Variants in SMG6 observed in about 807,000 individuals in gnomAD.
SMG6 encodes telomerase-binding protein EST1A.
SMG6 carries 66 observed loss-of-function variants against 142.2 expected under a neutral mutation model. The observed-to-expected ratio is 0.46, with a 90% CI of 0.38 to 0.57. The LOEUF is 0.57. Among genes scored for constraint, SMG6 ranks in the 20% least tolerant of loss-of-function variants. The pLI, the probability that SMG6 is intolerant of heterozygous loss-of-function variation, is 0.00. For synonymous variants in SMG6, 779 were observed against 702.4 expected (o/e 1.11, Z -1.72); for missense variants, 1,793 against 1,832.0 (o/e 0.98, Z 0.39).
At chr17:2,119,680 G>T (rs1027479807) in intron 13 of SMG6, among the ~76,000 whole-genome samples, 10 of 150,850 alleles carry the variant, frequency 6.6e-5, no homozygotes, top group Admixed American at 1.3e-4. Flanking sequence ...ATTTTTTTTT[G>T]AGACGGAGTC....
At chr17:2,135,795 T>C (rs1200577503) in intron 13 of SMG6, among the ~76,000 whole-genome samples, 16 of 151,682 alleles carry the variant, frequency 1.1e-4, no homozygotes, top group Admixed American at 1.1e-3. Context: ...GCTCAAGCAA[T>C]CTTCCCACCT....
At chr17:2,236,867 C>T (rs2073675580) in intron 9 of SMG6, 3 of 1,219,474 alleles carry the variant, frequency 2.5e-6, no homozygotes, top group Non-Finnish European at 3.1e-6. Flanking sequence ...ATGCAAACAA[C>T]TCAAGTTTTG....
chr17:2,157,900 C>T (rs2071056925), intron 13 of SMG6, among the ~76,000 whole-genome samples: 1 of 152,130 alleles, frequency 6.6e-6, no homozygotes, highest in Non-Finnish European at 1.5e-5. Flanking sequence ...AATTAGAAAT[C>T]CCTAAACCAT....
At chr17:2,162,008 G>A (rs1046579618) in intron 13 of SMG6, among the ~76,000 whole-genome samples, 1 of 152,148 alleles carries the variant, frequency 6.6e-6, no homozygotes, top group African/African-American at 2.4e-5. Flanking sequence ...AAGGCTCCCT[G>A]AGATGGCATC....
intron 10 of SMG6, among the ~76,000 whole-genome samples, chr17:2,215,202 G>A (rs1213782354): frequency 1.5e-5 from 2 of 134,354 alleles, no homozygotes; most frequent in African/African-American, 2.9e-5. Context: ...GCACTTGTGC[G>A]TACATTATAA....
At chr17:2,188,263 G>A in intron 11 of SMG6, 136 bp downstream of exon 11, 1 of 712,806 alleles carries the variant, frequency 1.4e-6, no homozygotes, top group Non-Finnish European at 2.4e-6. Context: ...GCAGGCAAAA[G>A]GAAGAGGGGC....
At chr17:2,280,498 T>A (rs1480549171) in intron 8 of SMG6, 1 of 630,812 alleles carries the variant, frequency 1.6e-6, no homozygotes, top group African/African-American at 2.0e-5. Context: ...CTCCTGACCT[T>A]GTGATCTGCT....
chr17:2,242,457 G>A (rs1280673955), intron 9 of SMG6, among the ~76,000 whole-genome samples: 1 of 149,480 alleles, frequency 6.7e-6, no homozygotes, highest in African/African-American at 2.5e-5. Flanking sequence ...ATGAACCCGG[G>A]AGGCGGAGCT....
chr17:2,190,900 C>A (rs2072140443), intron 10 of SMG6, among the ~76,000 whole-genome samples: 1 of 152,194 alleles, frequency 6.6e-6, no homozygotes, highest in African/African-American at 2.4e-5. Context: ...TGTAATCAAG[C>A]AGGTGGAGAT....
At chr17:2,177,472 G>A (rs900153064) in intron 12 of SMG6, among the ~76,000 whole-genome samples, 25 of 152,220 alleles carry the variant, frequency 1.6e-4, no homozygotes, top group African/African-American at 5.8e-4. Flanking sequence ...AGGAGGATGA[G>A]GCACTCACAC....
rs187187134 is a variant in SMG6 at position 2,231,900 on chromosome 17, G to A, written c.2869+4592C>T. ...GGATGTATGTGCTATGAAACTGGTA[G>A]AGGAAAACAGAGGGAGCCAGGGCAC... On this transcript the variant is annotated intron_variant, in intron 10 of 18. Coordinates refer to ENST00000263073, the MANE Select transcript of SMG6 (RefSeq NM_017575.5). 8.9e-3 allele frequency among the ~76,000 whole-genome samples: 1,352 copies of A among 152,276 alleles called. 14 individuals carry two copies. Among genetic ancestry groups the A allele is most frequent in the Non-Finnish European group, 0.014 (979 of 68,032 alleles).
intron 8 of SMG6, among the ~76,000 whole-genome samples, chr17:2,245,327 C>G (rs559919828): frequency 6.6e-6 from 1 of 152,308 alleles, no homozygotes; most frequent in East Asian, 1.9e-4. Context: ...ATGACTATTC[C>G]ACTCCAGTTT....
At position 2,110,279 on chromosome 17, in the gene SMG6, A is replaced by G. The variant is rs1400240323; in HGVS notation, c.3358-24378T>C. Among the ~76,000 whole-genome samples the G allele has an allele frequency of 2.0e-5, 3 of 152,250 alleles. No individual in the cohort carries two copies. In the East Asian group the frequency reaches 5.8e-4, roughly 29 times the overall value. Reference sequence around the variant, plus strand: ...AACGTGGAGTTCAGAAACATGGCACATGGTGAAAAAAAGCAATACAAAGGC... The same window carrying G: ...AACGTGGAGTTCAGAAACATGGCACGTGGTGAAAAAAAGCAATACAAAGGC... On this transcript the variant is annotated intron_variant, in intron 13 of 18. Coordinates refer to ENST00000263073, the MANE Select transcript of SMG6 (RefSeq NM_017575.5).
chr17:2,262,955 T>A (rs1403771178), intron 8 of SMG6, among the ~76,000 whole-genome samples: 1 of 152,084 alleles, frequency 6.6e-6, no homozygotes. Context: ...AGAAAAAATA[T>A]CTATATAAAA....
rs73296796 is a variant in SMG6 at position 2,210,503 on chromosome 17, T to G, written c.2870-21988A>C. Among the ~76,000 whole-genome samples the G allele has an allele frequency of 1.4e-3, 219 of 151,904 alleles. 1 individual carries two copies. Among genetic ancestry groups the G allele is most frequent in the African/African-American group, 5.1e-3 (210 of 41,428 alleles). ...AGTTAGAAATGTGGGCCAAAGTTCA[T>G]GAAAAAGATCAGGGCAGTAAAGAAA... is the stretch of plus-strand genomic sequence containing the variant. On this transcript the variant is annotated intron_variant, in intron 10 of 18. Transcript: ENST00000263073.
At chr17:2,167,023 G>T (rs2071359185) in intron 13 of SMG6, among the ~76,000 whole-genome samples, 1 of 151,638 alleles carries the variant, frequency 6.6e-6, no homozygotes, top group Non-Finnish European at 1.5e-5. Flanking sequence ...CCAGCTACGC[G>T]GGGGGCTGAG....
rs2068549808 is a variant in SMG6 at position 2,085,964 on chromosome 17, G to A, written c.3358-63C>T. 1.3e-6 allele frequency: 2 copies of A among 1,540,946 alleles called. No individual in the cohort carries two copies. Among genetic ancestry groups the A allele is most frequent in the Admixed American group, 1.7e-5 (1 of 58,788 alleles). ...CTGAAAGGGAAGATGGAGACGAGATGTTGCTTGCCGGCTGAGGGGCACAGG... is the reference window on the plus strand; with the variant it reads ...CTGAAAGGGAAGATGGAGACGAGATATTGCTTGCCGGCTGAGGGGCACAGG... On this transcript the variant is annotated intron_variant, in intron 13 of 18. Transcript: ENST00000263073. This position sits in a 1 kb window ranked among gnomAD's most constrained non-coding sequence, Gnocchi z 4.1.
chr17:2,301,590 C>T (rs1172744874), intron 1 of SMG6, among the ~76,000 whole-genome samples: 1 of 152,198 alleles, frequency 6.6e-6, no homozygotes, highest in African/African-American at 2.4e-5. Context: ...CGCCTGTAAT[C>T]CCAGCACTTT....
chr17:2,208,575 T>C (rs1050486976), intron 10 of SMG6, among the ~76,000 whole-genome samples: 22 of 152,232 alleles, frequency 1.4e-4, no homozygotes, highest in Admixed American at 6.5e-5. Context: ...TTCGTTTCTT[T>C]ATATTCACAC....
Sources: gnomAD v4.1 joint callset for allele counts (sites outside exome capture counted in the v4.1 genomes callset) on GRCh38, gnomAD v4.1.1 for gene constraint, Gnocchi (gnomAD v3.1) non-coding constraint, MANE v1.5 for transcripts, NCBI Gene and HGNC (gene_info 2026-07-23, HGNC 2026-07-21) for gene names.